Variants in AHI1 observed in about 807,000 individuals in gnomAD.
AHI1 encodes the protein Abelson helper integration site 1, also known as jouberin.
In AHI1, 123 loss-of-function variants were observed where a neutral mutation model predicts 149.3. That is an observed-to-expected ratio of 0.82 (90% CI 0.71 to 0.96). The LOEUF is 0.96. Among genes scored for constraint, AHI1 ranks in the 40% least tolerant of loss-of-function variants. AHI1 has a pLI of 0.00. For missense variants in AHI1, 1,439 were observed against 1,422.7 expected (o/e 1.01, Z -0.18); for synonymous variants, 475 against 459.8 (o/e 1.03, Z -0.42).
intron 22 of AHI1, among the ~76,000 whole-genome samples, chr6:135,400,721 T>A (rs1779908847): frequency 6.6e-6 from 1 of 152,208 alleles, no homozygotes; most frequent in Admixed American, 6.5e-5. Context: ...AGGTTAAATA[T>A]CTCCGCAGGT....
chr6:135,472,885 C>T (rs552610171), intron 5 of AHI1, among the ~76,000 whole-genome samples: 2 of 152,262 alleles, frequency 1.3e-5, no homozygotes, highest in African/African-American at 4.8e-5. Context: ...ATTCTAGATA[C>T]AACATTGTAT....
At chr6:135,472,446 G>A (rs976679013) in intron 5 of AHI1, among the ~76,000 whole-genome samples, 1 of 152,092 alleles carries the variant, frequency 6.6e-6, no homozygotes, top group Non-Finnish European at 1.5e-5. Context: ...ATTAATAGAT[G>A]TGAATTATTT....
At chr6:135,322,453 A>C (rs899280958) in intron 25 of AHI1, among the ~76,000 whole-genome samples, 1 of 149,734 alleles carries the variant, frequency 6.7e-6, no homozygotes, top group African/African-American at 2.5e-5. Context: ...TCAGAAACTC[A>C]TATTTAGATT....
intron 24 of AHI1, among the ~76,000 whole-genome samples, chr6:135,338,279 G>A (rs1338497066): frequency 7.7e-6 from 1 of 130,296 alleles, no homozygotes; most frequent in Non-Finnish European, 1.6e-5. Context: ...CAGCCTGGGT[G>A]ACAAGGGTGA....
chr6:135,434,802 A>G (rs539537621), intron 15 of AHI1, among the ~76,000 whole-genome samples: 2 of 152,228 alleles, frequency 1.3e-5, no homozygotes, highest in Admixed American at 6.5e-5. Context: ...GAAAGAAAAA[A>G]CATAAAGTTA....
chr6:135,492,288 G>A lies in AHI1; in HGVS notation c.-51C>T, dbSNP rs909124963. On this transcript the variant is annotated 5_prime_UTR_variant, in exon 4 of 29. Transcript: ENST00000265602. ...GAATGCAAAGCATTGACTCAATCAGGATCCTATCGAAACAAAGGAGATGTA... is the reference window on the plus strand; with the variant it reads ...GAATGCAAAGCATTGACTCAATCAGAATCCTATCGAAACAAAGGAGATGTA... The A allele has an allele frequency of 1.3e-6, 2 of 1,515,104 alleles. No individual in the cohort carries two copies. Among genetic ancestry groups the A allele is most frequent in the Middle Eastern group, 1.7e-4 (1 of 5,826 alleles). The allele number at this position is 1,515,104 out of a possible 1,614,324, so 93.9% of individuals were successfully genotyped here.
intron 5 of AHI1, among the ~76,000 whole-genome samples, chr6:135,488,999 C>T (rs768676022): frequency 2.4e-4 from 36 of 152,026 alleles, no homozygotes; most frequent in African/African-American, 7.5e-4. Flanking sequence ...TTGTATTAAA[C>T]GACTAAATAT....
intron 23 of AHI1, among the ~76,000 whole-genome samples, chr6:135,370,412 C>T (rs755249528): frequency 3.6e-4 from 55 of 152,310 alleles, no homozygotes; most frequent in South Asian, 2.1e-4. Context: ...TTGGGGAGAA[C>T]TGATAGGCGG....
chr6:135,394,809 CTT>C lies in AHI1; in HGVS notation c.3074_3075del (p.Gln1025ArgfsTer22), dbSNP rs750982005. The C allele has an allele frequency of 1.2e-6, 2 of 1,609,670 alleles. No homozygotes were observed. The highest frequency in any genetic ancestry group is 1.7e-6 in the Non-Finnish European group (2 of 1,177,742). ...KLKQSNMLTAQEILHQFGFTQ... is the reference protein window; with the variant it reads ...KLKQSNMLTAXEILHQFGFTQ... ...GTGAAACCAAACTGATGTAGAATCT[CTT>C]GAGCGGTCAGCATGTTTGACTGCTT... On this transcript the variant is annotated frameshift_variant, in exon 23 of 29. Transcript: ENST00000265602. LOFTEE classifies it high-confidence loss of function.
chr6:135,489,721 T>C (rs1453108233), intron 5 of AHI1, among the ~76,000 whole-genome samples: 3 of 152,144 alleles, frequency 2.0e-5, no homozygotes, highest in Non-Finnish European at 4.4e-5. Context: ...CCCTCACATA[T>C]GTGCAGCTGG....
intron 24 of AHI1, among the ~76,000 whole-genome samples, chr6:135,334,874 T>C (rs2128402489): frequency 6.6e-6 from 1 of 152,322 alleles, no homozygotes; most frequent in Middle Eastern, 3.4e-3. Context: ...GAAATGTAAA[T>C]TCTTGGGCCC....
chr6:135,437,541 T>G (rs1407548255), intron 15 of AHI1, among the ~76,000 whole-genome samples: 1 of 152,242 alleles, frequency 6.6e-6, no homozygotes, highest in Non-Finnish European at 1.5e-5. Flanking sequence ...TGATTAGATA[T>G]TTTATACAGA....
intron 5 of AHI1, among the ~76,000 whole-genome samples, chr6:135,469,325 ACT>A (rs1791333181): frequency 6.6e-6 from 1 of 152,162 alleles, no homozygotes; most frequent in African/African-American, 2.4e-5. Flanking sequence ...CATGTTAAAA[ACT>A]CTCAATAAAC....
At chr6:135,492,691 C>T (rs1795412690) in intron 3 of AHI1, 1 of 985,202 alleles carries the variant, frequency 1.0e-6, no homozygotes, top group Admixed American at 6.2e-5. Context: ...TACATTAAAG[C>T]ATGCTTGTGG....
At chr6:135,350,818 T>C (rs546780162) in intron 24 of AHI1, among the ~76,000 whole-genome samples, 50 of 152,138 alleles carry the variant, frequency 3.3e-4, no homozygotes, top group Non-Finnish European at 5.4e-4. Context: ...GAGAGTACCA[T>C]AGGATGATGC....
At chr6:135,301,580 T>C (rs1783884599) in intron 26 of AHI1, 1 of 985,320 alleles carries the variant, frequency 1.0e-6, no homozygotes, top group Non-Finnish European at 1.2e-6. Flanking sequence ...TTCAAGAGGA[T>C]ATTATGCTTT....
chr6:135,301,857 A>G (rs1010826274), intron 26 of AHI1: 1 of 985,358 alleles, frequency 1.0e-6, no homozygotes, highest in African/African-American at 1.7e-5. Flanking sequence ...GACTGCCCTC[A>G]TCCAATAGAA....
chr6:135,353,140 T>C (rs990791811), intron 24 of AHI1, among the ~76,000 whole-genome samples: 2 of 152,158 alleles, frequency 1.3e-5, no homozygotes, highest in Non-Finnish European at 2.9e-5. Context: ...GATGTGCTTA[T>C]ACTTAAACAT....
chr6:135,376,679 C>A lies in AHI1; in HGVS notation c.3109+18097G>T, dbSNP rs545326528. On this transcript the variant is annotated intron_variant, in intron 23 of 28. Coordinates refer to ENST00000265602, the MANE Select transcript of AHI1 (RefSeq NM_001134831.2). ...TGGGCAGATCACGAGGTCAGGAGTTCGAGACCAGCCTGACCAACATGGTGA... is the reference window on the plus strand; with the variant it reads ...TGGGCAGATCACGAGGTCAGGAGTTAGAGACCAGCCTGACCAACATGGTGA... 7.3e-5 allele frequency among the ~76,000 whole-genome samples: 11 copies of A among 151,724 alleles called. No individual in the cohort carries two copies. The South Asian group carries it at 2.1e-3, about 29-fold the overall frequency.
Sources: allele counts gnomAD v4.1 joint callset (sites outside exome capture counted in the v4.1 genomes callset), GRCh38; gene constraint gnomAD v4.1.1; transcripts MANE v1.5; gene names NCBI Gene and HGNC (gene_info 2026-07-23, HGNC 2026-07-21).